The following VEZT variants were observed in gnomAD, a reference collection of about 807,000 sequenced individuals.
The protein encoded by VEZT is vezatin, adherens junctions transmembrane protein.
In VEZT, 39 loss-of-function variants were observed where a neutral mutation model predicts 79.9. The ratio of observed to expected loss-of-function variants is 0.49; its 90% confidence interval spans 0.38 to 0.64. VEZT has a LOEUF of 0.64. Ranked by LOEUF, VEZT falls within the 30% of genes least tolerant of loss-of-function variation. The pLI is 0.00. For synonymous variants in VEZT, 325 were observed against 327.6 expected, an observed-to-expected ratio of 0.99 and a Z score of 0.09; for missense variants, 837 against 893.1, an observed-to-expected ratio of 0.94 and a Z score of 0.80.
At position 95,247,964 on chromosome 12, in the gene VEZT, A is replaced by C. The variant is rs181700068; in HGVS notation, c.37-3976A>C. Among the ~76,000 whole-genome samples the C allele has an allele frequency of 4.9e-4, 74 of 152,320 alleles. 1 individual carries two copies. In the East Asian group the frequency reaches 0.013, roughly 27 times the overall value. ...TTACATTTTATTAAACCTGCAATAC[A>C]TTCACCTCAGTCTCCAAAGGTTGTC... On this transcript the variant is annotated intron_variant, in intron 1 of 11. Transcript: ENST00000436874.
intron 1 of VEZT, among the ~76,000 whole-genome samples, chr12:95,251,664 C>A (rs949173669): frequency 1.3e-5 from 2 of 151,706 alleles, no homozygotes; most frequent in African/African-American, 4.8e-5. Flanking sequence ...ATTTATATTC[C>A]TAAATTCATT....
At chr12:95,267,500 A>G (rs1192223792) in intron 5 of VEZT, among the ~76,000 whole-genome samples, 1 of 152,208 alleles carries the variant, frequency 6.6e-6, no homozygotes, top group African/African-American at 2.4e-5. Flanking sequence ...AGTCGTATCT[A>G]GAAAATCATG....
chr12:95,267,556 C>G (rs1459746140), intron 5 of VEZT, among the ~76,000 whole-genome samples: 1 of 152,190 alleles, frequency 6.6e-6, no homozygotes, highest in African/African-American at 2.4e-5. Flanking sequence ...ATCCTTCACT[C>G]TGTTCTGCTC....
At chr12:95,232,716 A>T (rs759133763) in intron 1 of VEZT, among the ~76,000 whole-genome samples, 1 of 152,216 alleles carries the variant, frequency 6.6e-6, no homozygotes, top group Admixed American at 6.5e-5. Context: ...TAGATATCAT[A>T]CTGACATTTT....
rs2075192467 is a variant in VEZT at position 95,301,338 on chromosome 12, C to T, written c.*665C>T. Reference sequence around the variant, plus strand: ...CCATTTTTTAGAATTACACTTTCACCTTTCTTTTTGCAATTGAAAGTGATG... The same window carrying T: ...CCATTTTTTAGAATTACACTTTCACTTTTCTTTTTGCAATTGAAAGTGATG... On this transcript the variant is annotated 3_prime_UTR_variant, in exon 12 of 12. Coordinates refer to ENST00000436874, the MANE Select transcript of VEZT (RefSeq NM_017599.4). 1 of 152,072 alleles carries T rather than the reference C, an allele frequency of 6.6e-6. No individual in the cohort carries two copies. Among genetic ancestry groups the T allele is most frequent in the African/African-American group, 2.4e-5 (1 of 41,390 alleles). The allele number at this position is 152,072 out of a possible 1,614,324, so 9.4% of individuals were successfully genotyped here. A position where few individuals can be genotyped will look rare whatever the true frequency, so the allele number is the denominator to read the frequency against.
At chr12:95,219,181 G>A (rs2057179820) in intron 1 of VEZT, among the ~76,000 whole-genome samples, 2 of 152,232 alleles carry the variant, frequency 1.3e-5, no homozygotes, top group Admixed American at 1.3e-4. Flanking sequence ...GAAGGAGAGA[G>A]AAATATTTTC....
At chr12:95,270,427 C>T (rs575249861) in intron 6 of VEZT, among the ~76,000 whole-genome samples, 2 of 152,168 alleles carry the variant, frequency 1.3e-5, no homozygotes, top group Non-Finnish European at 2.9e-5. Context: ...AACTTGAAGT[C>T]TCTTCCTTTA....
chr12:95,240,257 T>C (rs1451384623), intron 1 of VEZT, among the ~76,000 whole-genome samples: 2 of 152,046 alleles, frequency 1.3e-5, no homozygotes, highest in Non-Finnish European at 2.9e-5. Context: ...AGAGGCTAGG[T>C]TTATTGAGAT....
intron 7 of VEZT, among the ~76,000 whole-genome samples, chr12:95,280,450 TCC>T (rs910255709): frequency 3.2e-5 from 4 of 124,954 alleles, no homozygotes; most frequent in Non-Finnish European, 5.1e-5. Context: ...TCTGTCTCTC[TCC>T]CCCCCTTTCA....
rs1490658739 is a variant in VEZT, at chr12:95,260,728, A to G, written c.259-2178A>G. Reference sequence around the variant, plus strand: ...CAAAAGTTTGATTTTTAATACTTGCATTGAATATGGCTGTGTCTAATTGGG... The same window carrying G: ...CAAAAGTTTGATTTTTAATACTTGCGTTGAATATGGCTGTGTCTAATTGGG... On this transcript the variant is annotated intron_variant, in intron 3 of 11. Transcript: ENST00000436874. Among the ~76,000 whole-genome samples the G allele has an allele frequency of 5.3e-5, 8 of 152,352 alleles. No individual in the cohort carries two copies. The East Asian group carries it at 1.3e-3, about 26-fold the overall frequency.
At chr12:95,238,759 C>T (rs2060509236) in intron 1 of VEZT, among the ~76,000 whole-genome samples, 1 of 152,174 alleles carries the variant, frequency 6.6e-6, no homozygotes, top group Non-Finnish European at 1.5e-5. Context: ...TTGATCCCTC[C>T]ATTGCCAACC....
intron 1 of VEZT, among the ~76,000 whole-genome samples, chr12:95,229,796 T>G (rs1360538095): frequency 6.6e-6 from 1 of 152,076 alleles, no homozygotes; most frequent in Non-Finnish European, 1.5e-5. Flanking sequence ...TGTTAGAAAG[T>G]GTACTAACTT....
chr12:95,294,489 T>C (rs1349036847), intron 10 of VEZT, 117 bp downstream of exon 10: 3 of 808,022 alleles, frequency 3.7e-6, no homozygotes, highest in African/African-American at 1.7e-5. Context: ...TGCTTAACTC[T>C]GAATTCATTG....
At chr12:95,260,350 C>T (rs1291016243) in intron 3 of VEZT, among the ~76,000 whole-genome samples, 1 of 152,022 alleles carries the variant, frequency 6.6e-6, no homozygotes, top group Non-Finnish European at 1.5e-5. Context: ...AAGTGATCTG[C>T]CCGCCTTAGC....
chr12:95,268,459 C>A (rs550264049), intron 5 of VEZT, among the ~76,000 whole-genome samples: 2 of 152,172 alleles, frequency 1.3e-5, no homozygotes, highest in Admixed American at 1.3e-4. Context: ...GATCGCGCTA[C>A]TGCACTCCAG....
Position 95,300,371 on chromosome 12 carries a change from G to A in VEZT, c.2038G>A (p.Glu680Lys), listed in dbSNP as rs756548112. The change falls in exon 12 of 12, where the codon GAA becomes AAA. Residue 680 changes from glutamate to lysine, a missense_variant. Physicochemically the swap from Glu to Lys is moderately conservative, Grantham distance 56 (BLOSUM62 1). Transcript: ENST00000436874. Reference sequence around the variant, plus strand: ...TAAAAATAAAGATAATTCTTCAAATGAAGTCTTCCCCCAAGGAGCAGAAGA... The same window carrying A: ...TAAAAATAAAGATAATTCTTCAAATAAAGTCTTCCCCCAAGGAGCAGAAGA... Reference protein sequence around the residue: ...EGKNKDNSSNEVFPQGAEERM... With the variant: ...EGKNKDNSSNKVFPQGAEERM... The A allele has an allele frequency of 4.3e-6, 7 of 1,613,676 alleles. No individual in the cohort carries two copies. The South Asian group carries it at 7.7e-5, about 18-fold the overall frequency.
At chr12:95,280,752 A>G in intron 7 of VEZT, among the ~76,000 whole-genome samples, 1 of 152,176 alleles carries the variant, frequency 6.6e-6, no homozygotes, top group South Asian at 2.1e-4. Context: ...TGCACCTAGA[A>G]CAGTGCCTGG....
At chr12:95,228,106 T>G (rs1418900376) in intron 1 of VEZT, among the ~76,000 whole-genome samples, 1 of 152,226 alleles carries the variant, frequency 6.6e-6, no homozygotes, top group Non-Finnish European at 1.5e-5. Flanking sequence ...TTTCTCCTAC[T>G]TCTTTCATAC....
At chr12:95,284,313 A>G (rs908354349) in intron 8 of VEZT, among the ~76,000 whole-genome samples, 3 of 152,160 alleles carry the variant, frequency 2.0e-5, no homozygotes, top group African/African-American at 7.2e-5. Flanking sequence ...TTCATATTTT[A>G]GAATGCTCTT....
Sources: allele counts gnomAD v4.1 joint callset (sites outside exome capture counted in the v4.1 genomes callset), GRCh38; gene constraint gnomAD v4.1.1; transcripts MANE v1.5; gene names NCBI Gene and HGNC (gene_info 2026-07-23, HGNC 2026-07-21).